Variants in ABTB2 observed in about 807,000 individuals in gnomAD.
ABTB2 encodes ankyrin repeat and BTB/POZ domain-containing protein 2.
Under a neutral mutation model 104.1 loss-of-function variants are expected in ABTB2, and 56 were observed. The ratio of observed to expected loss-of-function variants is 0.54; its 90% CI spans 0.43 to 0.67. ABTB2 has a LOEUF of 0.67. Ranked by LOEUF, ABTB2 falls within the 30% of genes least tolerant of loss-of-function variation. ABTB2 has a pLI of 0.00. For missense variants in ABTB2, 1,279 were observed against 1,407.7 expected (o/e 0.91, Z 1.46); for synonymous variants, 606 against 608.2 (o/e 1.00, Z 0.05).
In ABTB2 at chr11:34,167,372, C is replaced by T; in HGVS notation, c.1654-12G>A. ...GAGTTGCTTGGAACCTGGAAAATAC[C>T]ACAAATCATCTGTGTTTTCTGGGCA... is the stretch of plus-strand genomic sequence containing the variant. On this transcript the variant is annotated splice_polypyrimidine_tract_variant and intron_variant, in intron 6 of 16. Coordinates refer to ENST00000435224, the MANE Select transcript of ABTB2 (RefSeq NM_145804.3). 6.2e-7 allele frequency: 1 copy of T among 1,608,814 alleles called. No homozygotes were observed. Among genetic ancestry groups the T allele is most frequent in the Non-Finnish European group, 8.5e-7 (1 of 1,176,948 alleles).
chr11:34,187,499 C>T (rs1373726324), intron 3 of ABTB2, among the ~76,000 whole-genome samples: 3 of 140,680 alleles, frequency 2.1e-5, no homozygotes, highest in African/African-American at 5.3e-5. Context: ...TCTTCTTTGC[C>T]TTTTTTTTTT....
Position 34,162,617 on chromosome 11 carries a change from T to C in ABTB2, c.2177A>G (p.Glu726Gly). ...ALQEAMYYSA[E>G]HGYVDITMEL... ...CATGGTGATGTCCACGTAGCCGTGC[T>C]CAGCGCTGTAGTACATGGCCTCCTG... Residue 726 changes from glutamate (E) to glycine (G), a missense_variant, in exon 10 of 17, where the codon GAG (glutamate) becomes GGG (glycine). Transcript: ENST00000435224. 1 of 1,613,650 alleles carries C rather than the reference T, an allele frequency of 6.2e-7. No individual in the cohort carries two copies. The highest frequency in any genetic ancestry group is 8.5e-7 in the Non-Finnish European group (1 of 1,180,004).
At position 34,276,235 on chromosome 11, in the gene ABTB2, G is replaced by T. The variant is rs1358083273; in HGVS notation, c.884-71545C>A. Among the ~76,000 whole-genome samples, 4 of 149,718 alleles carry T rather than the reference G, an allele frequency of 2.7e-5. No homozygotes were observed. In the East Asian group the frequency reaches 7.8e-4, roughly 29 times the overall value. On this transcript the variant is annotated intron_variant, in intron 1 of 16. Coordinates refer to ENST00000435224, the MANE Select transcript of ABTB2 (RefSeq NM_145804.3). ...TGTTTGGTTAAAAAAAAAAAAAAAA[G>T]TTCTGATTCGATGTGACTAATAAGT...
At chr11:34,240,814 C>T (rs1180230219) in intron 1 of ABTB2, among the ~76,000 whole-genome samples, 6 of 152,176 alleles carry the variant, frequency 3.9e-5, no homozygotes, top group Non-Finnish European at 8.8e-5. Context: ...AGGCTGGTCT[C>T]GAACTCCTGA....
chr11:34,278,639 G>A (rs537011915), intron 1 of ABTB2, among the ~76,000 whole-genome samples: 1 of 152,010 alleles, frequency 6.6e-6, no homozygotes, highest in Non-Finnish European at 1.5e-5. Flanking sequence ...TCCTTGTTAA[G>A]GCACAAGGGA....
At chr11:34,227,612 T>C (rs1005517893) in intron 1 of ABTB2, among the ~76,000 whole-genome samples, 5 of 152,404 alleles carry the variant, frequency 3.3e-5, no homozygotes, top group Admixed American at 3.3e-4. Flanking sequence ...TTCTACCTTT[T>C]GGCTATTACA....
intron 1 of ABTB2, among the ~76,000 whole-genome samples, chr11:34,323,617 G>C (rs1165415639): frequency 6.6e-6 from 1 of 151,986 alleles, no homozygotes; most frequent in African/African-American, 2.4e-5. Context: ...TCTCGTATTA[G>C]CCTAATTTTT....
chr11:34,190,975 A>G (rs1195487178), intron 3 of ABTB2, among the ~76,000 whole-genome samples: 1 of 152,210 alleles, frequency 6.6e-6, no homozygotes, highest in East Asian at 1.9e-4. Context: ...CCATACTACT[A>G]TCTTCACCAT....
intron 3 of ABTB2, 144 bp downstream of exon 3, chr11:34,197,181 C>G: frequency 3.3e-6 from 3 of 916,006 alleles, no homozygotes; most frequent in Non-Finnish European, 5.2e-6. Flanking sequence ...ATCGGAATTC[C>G]TGGGCCACCT....
At position 34,335,252 on chromosome 11, in the gene ABTB2, T is replaced by G. The variant is rs773585358; in HGVS notation, c.883+21449A>C. On this transcript the variant is annotated intron_variant, in intron 1 of 16. Coordinates refer to ENST00000435224, the MANE Select transcript of ABTB2 (RefSeq NM_145804.3). ...AAGGTCATCAACAGAGAATCCTAAATGTCGGTAGCATTCATCAGTTTCAAA... is the reference window on the plus strand; with the variant it reads ...AAGGTCATCAACAGAGAATCCTAAAGGTCGGTAGCATTCATCAGTTTCAAA... The G allele has an allele frequency of 9.8e-5, 127 of 1,301,090 alleles. 1 individual carries two copies. Among genetic ancestry groups the G allele is most frequent in the African/African-American group, 9.9e-5 (7 of 70,940 alleles). The allele number at this position is 1,301,090 out of a possible 1,614,324, so 80.6% of individuals were successfully genotyped here. A position where few individuals can be genotyped will look rare whatever the true frequency, so the allele number is the denominator to read the frequency against.
At chr11:34,215,132 A>G (rs1037024113) in intron 1 of ABTB2, among the ~76,000 whole-genome samples, 1 of 152,212 alleles carries the variant, frequency 6.6e-6, no homozygotes, top group Non-Finnish European at 1.5e-5. Context: ...CTGTGTGATC[A>G]TTCTACAGCT....
At chr11:34,323,445 G>A (rs1466906999) in intron 1 of ABTB2, among the ~76,000 whole-genome samples, 1 of 152,150 alleles carries the variant, frequency 6.6e-6, no homozygotes, top group Non-Finnish European at 1.5e-5. Context: ...AGGGCATGGT[G>A]TCTCTGGCCT....
chr11:34,279,844 A>C (rs1475839465), intron 1 of ABTB2, among the ~76,000 whole-genome samples: 1 of 138,414 alleles, frequency 7.2e-6, no homozygotes. Context: ...GCTGGAGTGC[A>C]ATGGTGCGAT....
At chr11:34,229,272 G>A (rs1853732644) in intron 1 of ABTB2, among the ~76,000 whole-genome samples, 1 of 151,878 alleles carries the variant, frequency 6.6e-6, no homozygotes, top group Non-Finnish European at 1.5e-5. Flanking sequence ...CACAAAGTCA[G>A]GAGATCAAGA....
chr11:34,207,300 A>T (rs1853421102), intron 1 of ABTB2, among the ~76,000 whole-genome samples: 1 of 152,260 alleles, frequency 6.6e-6, no homozygotes, highest in African/African-American at 2.4e-5. Flanking sequence ...GATTTGTCAA[A>T]GGATTCCCAG....
intron 1 of ABTB2, among the ~76,000 whole-genome samples, chr11:34,276,798 C>T (rs1485723612): frequency 2.0e-5 from 3 of 152,220 alleles, no homozygotes; most frequent in African/African-American, 7.2e-5. Context: ...ATGGAGGCTT[C>T]AGACGTGACC....
At chr11:34,339,240 G>A (rs1275494502) in intron 1 of ABTB2, among the ~76,000 whole-genome samples, 1 of 152,096 alleles carries the variant, frequency 6.6e-6, no homozygotes, top group Non-Finnish European at 1.5e-5. Context: ...ACCCAGTCTA[G>A]AACATCAATT....
intron 1 of ABTB2, among the ~76,000 whole-genome samples, chr11:34,217,889 A>G (rs1037672404): frequency 6.6e-6 from 1 of 152,248 alleles, no homozygotes; most frequent in Admixed American, 6.5e-5. Flanking sequence ...ACCATTTTGC[A>G]TTCCCACCAG....
chr11:34,198,339 C>A (rs1172548775), intron 2 of ABTB2, among the ~76,000 whole-genome samples: 2 of 152,044 alleles, frequency 1.3e-5, no homozygotes, highest in Admixed American at 6.5e-5. Context: ...GCAGGAGAAT[C>A]GCTTTAACCT....
Sources: gnomAD v4.1 joint callset for allele counts (sites outside exome capture counted in the v4.1 genomes callset) on GRCh38, gnomAD v4.1.1 for gene constraint, MANE v1.5 for transcripts, NCBI Gene and HGNC (gene_info 2026-07-23, HGNC 2026-07-21) for gene names.